ATP8B1: variants seen among roughly 807,000 people sequenced by gnomAD.
The protein encoded by ATP8B1 is phospholipid-transporting ATPase IC.
ATP8B1 carries 80 observed loss-of-function variants against 149.9 expected under a neutral mutation model. That is an observed-to-expected ratio of 0.53 (90% confidence interval 0.45 to 0.64). The LOEUF is 0.64. Ranked by LOEUF, ATP8B1 falls within the 30% of genes least tolerant of loss-of-function variation. ATP8B1 has a pLI of 0.00. For missense variants in ATP8B1, 1,247 were observed against 1,552.6 expected, an observed-to-expected ratio of 0.80 and a Z score of 3.31; for synonymous variants, 536 against 562.8, an observed-to-expected ratio of 0.95 and a Z score of 0.67.
chr18:57,701,123 T>G, intron 5 of ATP8B1, 23 bp from the exon 6 acceptor site: 1 of 1,613,720 alleles, frequency 6.2e-7, no homozygotes, highest in Non-Finnish European at 8.5e-7. Context: ...GATGGGGAAA[T>G]GCTGTTTTAA....
At chr18:57,789,230 T>A (rs910989107) in intron 1 of ATP8B1, among the ~76,000 whole-genome samples, 1 of 152,230 alleles carries the variant, frequency 6.6e-6, no homozygotes, top group Non-Finnish European at 1.5e-5. Flanking sequence ...AACTGTGTCC[T>A]GTATTTTTAT....
intron 21 of ATP8B1, among the ~76,000 whole-genome samples, chr18:57,661,665 G>A (rs1280216265): frequency 1.1e-5 from 1 of 88,190 alleles, no homozygotes; most frequent in East Asian, 4.0e-4. Context: ...ATATGTATGT[G>A]TGTATGTATA....
At chr18:57,732,335 G>A (rs1049596550) in intron 1 of ATP8B1, among the ~76,000 whole-genome samples, 3 of 86,802 alleles carry the variant, frequency 3.5e-5, no homozygotes, top group South Asian at 4.1e-4. Flanking sequence ...ATATATGTGT[G>A]TATATATATG....
intron 1 of ATP8B1, among the ~76,000 whole-genome samples, chr18:57,756,293 G>GTATATATATATATATATATA (rs755702972): frequency 6.9e-5 from 6 of 87,126 alleles, no homozygotes; most frequent in South Asian, 3.4e-4. Context: ...ATATATGTGT[G>GTATATATATATATATATATA]TGTGTATGTA....
intron 15 of ATP8B1, among the ~76,000 whole-genome samples, chr18:57,677,795 C>T (rs1911690293): frequency 6.6e-6 from 1 of 152,248 alleles, no homozygotes; most frequent in Non-Finnish European, 1.5e-5. Flanking sequence ...AAGCCTTTCC[C>T]TTCGGCAACT....
At chr18:57,794,516 G>A (rs562429108) in intron 1 of ATP8B1, among the ~76,000 whole-genome samples, 61 of 150,786 alleles carry the variant, frequency 4.0e-4, no homozygotes, top group African/African-American at 1.4e-3. Flanking sequence ...TCTCTGGAAG[G>A]TGGCTGTGGT....
At chr18:57,715,928 GA>G (rs759005202) in intron 2 of ATP8B1, among the ~76,000 whole-genome samples, 9 of 152,088 alleles carry the variant, frequency 5.9e-5, no homozygotes, top group Non-Finnish European at 1.2e-4. Flanking sequence ...TAAGTATACA[GA>G]AAAACCCAGA....
chr18:57,725,271 T>G (rs1398980692), intron 2 of ATP8B1, among the ~76,000 whole-genome samples: 1 of 138,414 alleles, frequency 7.2e-6, no homozygotes, highest in South Asian at 2.3e-4. Flanking sequence ...AGAAAAAAAA[T>G]AATCCCATTT....
chr18:57,737,456 C>G (rs1392999970), intron 1 of ATP8B1, among the ~76,000 whole-genome samples: 4 of 152,022 alleles, frequency 2.6e-5, no homozygotes, highest in Non-Finnish European at 4.4e-5. Flanking sequence ...TCCTAGCTCA[C>G]TACACTCTCA....
rs1453049562 is a variant in ATP8B1 at position 57,650,465 on chromosome 18, T to A, written c.3433A>T (p.Ile1145Phe). 1 of 1,613,758 alleles carries A rather than the reference T, an allele frequency of 6.2e-7. No homozygotes were observed. Among genetic ancestry groups the A allele is most frequent in the South Asian group, 1.1e-5 (1 of 91,080 alleles). ...ACAGCCAGGATGATAGTTAACCAAA[T>A]GTATGGCTGTCTCAGAGCGTTTGAA... ...TASNALRQPYIWLTIILAVAV... is the reference protein window; with the variant it reads ...TASNALRQPYFWLTIILAVAV... Residue 1145 changes from isoleucine to phenylalanine, a missense_variant, in exon 27 of 28, where the codon ATT (isoleucine) becomes TTT (phenylalanine). By Grantham distance (21) the Ile-to-Phe change is conservative. This residue lies in a region of ATP8B1 where 164 missense variants were observed against 160.3 expected (regional missense o/e 1.02). Transcript: ENST00000648908.
At chr18:57,795,063 C>T (rs1426697251) in intron 1 of ATP8B1, among the ~76,000 whole-genome samples, 1 of 152,134 alleles carries the variant, frequency 6.6e-6, no homozygotes, top group Non-Finnish European at 1.5e-5. Flanking sequence ...CATGAACAAA[C>T]AGATATGTGT....
At chr18:57,800,429 A>G (rs1599254502) in intron 1 of ATP8B1, among the ~76,000 whole-genome samples, 1 of 152,228 alleles carries the variant, frequency 6.6e-6, no homozygotes, top group Non-Finnish European at 1.5e-5. Flanking sequence ...TTTTTCAGTA[A>G]CCGACACTAA....
intron 2 of ATP8B1, among the ~76,000 whole-genome samples, chr18:57,727,485 T>A (rs1368685396): frequency 1.3e-5 from 2 of 152,114 alleles, no homozygotes; most frequent in Non-Finnish European, 2.9e-5. Context: ...AATTCCAGAT[T>A]ATTTTATGAA....
rs1222226900 is a variant in ATP8B1 at position 57,688,483 on chromosome 18, C to T, written c.1245G>A (p.Gln415=). Residue 415 remains glutamine (Q), a synonymous_variant, in exon 13 of 28, where the codon CAG becomes CAA. Transcript: ENST00000648908. ...GCAGGTCCCAGTTGATGAAGTGACT[C>T]TGTCCAAGACGAATCACTTCCACGC... ...YVSVEVIRLG[Q]SHFINWDLQM... is the part of the protein sequence containing the mutation. 6.2e-7 allele frequency: 1 copy of T among 1,614,102 alleles called. No homozygotes were observed. Among genetic ancestry groups the T allele is most frequent in the Non-Finnish European group, 8.5e-7 (1 of 1,180,056 alleles).
intron 1 of ATP8B1, among the ~76,000 whole-genome samples, chr18:57,777,439 T>C (rs2080314957): frequency 6.6e-6 from 1 of 152,202 alleles, no homozygotes; most frequent in African/African-American, 2.4e-5. Context: ...GAAACATGAA[T>C]ATATATGTTT....
intron 2 of ATP8B1, among the ~76,000 whole-genome samples, chr18:57,717,577 AAAAAAAAAAAAGAACT>A (rs2079595606): frequency 2.8e-5 from 4 of 143,788 alleles, no homozygotes; most frequent in African/African-American, 1.0e-4. Flanking sequence ...AAAAAAAAAA[AAAAAAAAAAAAGAACT>A]AGAAAAGCAA....
At chr18:57,673,428 C>T (rs459785) in intron 16 of ATP8B1, among the ~76,000 whole-genome samples, 123,556 of 152,050 alleles carry the variant, frequency 0.81, 50,282 homozygotes, top group East Asian at 0.92. Context: ...TAAGTGAGTG[C>T]TTCTGTTCTT....
intron 1 of ATP8B1, among the ~76,000 whole-genome samples, chr18:57,787,922 A>T (rs750062313): frequency 5.3e-5 from 8 of 152,122 alleles, no homozygotes; most frequent in Non-Finnish European, 1.2e-4. Flanking sequence ...AGTCCCAGCC[A>T]CTTGGGAGGC....
chr18:57,683,181 C>A (rs7230903), intron 15 of ATP8B1, among the ~76,000 whole-genome samples: 3,128 of 152,178 alleles, frequency 0.021, 104 homozygotes, highest in African/African-American at 0.072. Flanking sequence ...ATACCTGCTA[C>A]ATATGAAACA....
Sources: allele counts gnomAD v4.1 joint callset (sites outside exome capture counted in the v4.1 genomes callset), GRCh38; gene constraint gnomAD v4.1.1; regional missense constraint gnomAD v4.1.1; transcripts MANE v1.5; gene names NCBI Gene and HGNC (gene_info 2026-07-23, HGNC 2026-07-21).